RNF214: variants seen among roughly 807,000 people sequenced by gnomAD.
RNF214 encodes ring finger protein 214.
In RNF214, 25 loss-of-function variants were observed where a neutral mutation model predicts 75.9. That is an observed-to-expected ratio of 0.33 (90% CI 0.24 to 0.46). The LOEUF is 0.46. RNF214 is among the 20% of genes least tolerant of loss of function. RNF214 has a pLI of 1.00. For synonymous variants in RNF214, 314 were observed against 308.8 expected (o/e 1.02, Z -0.18); for missense variants, 725 against 857.5 (o/e 0.85, Z 1.93).
In RNF214 at chr11:117,282,104, T is replaced by C. The variant is rs77950258; in HGVS notation, c.1546T>C (p.Ser516Pro). ...SHGRNSPGLG[S>P]LVSPHGPHMP... is the part of the protein sequence containing the mutation. ...TGGCAGAAATAGCCCTGGCTTGGGT[T>C]CCCTTGTCAGCCCCCACGGTCCACA... The change falls in exon 11 of 15, where the codon TCC becomes CCC. Residue 516 changes from serine to proline, a missense_variant. Around this residue, in one of 2 missense-constraint regions of RNF214, gnomAD observed 363 missense variants for 513.0 expected, o/e 0.71. Coordinates refer to ENST00000300650, the MANE Select transcript of RNF214 (RefSeq NM_207343.4). The C allele has an allele frequency of 2.7e-4, 441 of 1,614,034 alleles. 1 individual carries two copies. The African/African-American group carries it at 5.3e-3, about 19-fold the overall frequency.
intron 6 of RNF214, among the ~76,000 whole-genome samples, chr11:117,276,886 C>T (rs555325629): frequency 1.3e-5 from 2 of 152,248 alleles, no homozygotes; most frequent in South Asian, 2.1e-4. Context: ...TACAATTATC[C>T]GATTGTCAGA....
chr11:117,239,147 G>A (rs766226848), intron 3 of RNF214, 36 bp downstream of exon 3: 3 of 1,542,510 alleles, frequency 1.9e-6, no homozygotes, highest in African/African-American at 2.8e-5. Context: ...AAATGTAATT[G>A]GGGGGTGGTG....
chr11:117,253,702 G>A (rs1565336335), intron 6 of RNF214, among the ~76,000 whole-genome samples: 2 of 151,876 alleles, frequency 1.3e-5, no homozygotes, highest in East Asian at 1.9e-4. Flanking sequence ...ATAAATAAAC[G>A]ACAACAACAA....
chr11:117,282,732 GTTT>G lies in RNF214; in HGVS notation c.1846-13_1846-11del. On this transcript the variant is annotated splice_polypyrimidine_tract_variant and intron_variant, in intron 12 of 14. Transcript: ENST00000300650. ...GACTCTCTTCCCTTACTCTGACAAT[GTTT>G]CTACCTACAGCCACTTGGTCGCATC... 6.2e-7 allele frequency: 1 copy of G among 1,609,370 alleles called. No homozygotes were observed. The highest frequency in any genetic ancestry group is 8.5e-7 in the Non-Finnish European group (1 of 1,175,684).
chr11:117,256,467 A>G (rs1440417399), intron 6 of RNF214, among the ~76,000 whole-genome samples: 3 of 152,208 alleles, frequency 2.0e-5, no homozygotes, highest in African/African-American at 4.8e-5. Flanking sequence ...TAGGATATCC[A>G]ACATGGCTTC....
chr11:117,248,735 C>CGTT (rs2033295451), intron 6 of RNF214, among the ~76,000 whole-genome samples: 1 of 152,170 alleles, frequency 6.6e-6, no homozygotes, highest in East Asian at 1.9e-4. Flanking sequence ...ATCCCAGCCA[C>CGTT]TGTTAGTGAT....
intron 6 of RNF214, among the ~76,000 whole-genome samples, chr11:117,264,240 G>A (rs376413147): frequency 1.3e-5 from 2 of 152,058 alleles, no homozygotes; most frequent in African/African-American, 4.8e-5. Flanking sequence ...GGAGAATGGC[G>A]TGAACCCGGG....
chr11:117,280,982 C>CTTTT lies in RNF214; in HGVS notation c.1146-314_1146-311dup, dbSNP rs57955215. ...CTATCTCAGAGAATTAGGAATAGGG[C>CTTTT]TTTTTTTTTTTTTTTTTTTTTAATG... On this transcript the variant is annotated intron_variant, in intron 8 of 14. Transcript: ENST00000300650. Among the ~76,000 whole-genome samples the CTTTT allele has an allele frequency of 8.8e-4, 77 of 87,980 alleles. 2 individuals carry two copies. Among genetic ancestry groups the CTTTT allele is most frequent in the Non-Finnish European group, 1.1e-3 (55 of 48,796 alleles). The allele number at this position is 87,980 out of a possible 152,430, so 57.7% of individuals were successfully genotyped here. A position where few individuals can be genotyped will look rare whatever the true frequency, so the allele number is the denominator to read the frequency against.
rs1475341198 is a variant in RNF214 at position 117,286,326 on chromosome 11, T to C, written c.*1175T>C. The C allele has an allele frequency of 6.6e-6, 1 of 152,216 alleles. No individual in the cohort carries two copies. The highest frequency in any genetic ancestry group is 1.5e-5 in the Non-Finnish European group (1 of 68,040). 9.4% of individuals were successfully genotyped at this position (152,216 alleles called of 1,614,324 possible). A position where few individuals can be genotyped will look rare whatever the true frequency, so the allele number is the denominator to read the frequency against. The stretch of plus-strand genomic sequence containing the variant: ...CCTCTGCTTATTGTACTTCTTAATT[T>C]TAGGTTTTATACCTGGGAAAGCTGT... On this transcript the variant is annotated 3_prime_UTR_variant, in exon 15 of 15. Coordinates refer to ENST00000300650, the MANE Select transcript of RNF214 (RefSeq NM_207343.4).
rs1395591668 is a variant in RNF214 at position 117,238,729 on chromosome 11, G to A, written c.236G>A (p.Gly79Asp). ...HSEQNPGSSA[G>D]DTSAAHQVVL... ...GAGCAGAATCCTGGTTCATCAGCAG[G>A]TGACACCTCAGCAGCGCACCAGGTG... Residue 79 changes from glycine (G) to aspartate (D), a missense_variant, in exon 3 of 15, where the codon GGT becomes GAT. By Grantham distance (94) the Gly-to-Asp change is moderately conservative. Around this residue, in one of 2 missense-constraint regions of RNF214, gnomAD observed 362 missense variants for 344.5 expected, o/e 1.05. Transcript: ENST00000300650. 2 of 1,614,076 alleles carry A rather than the reference G, an allele frequency of 1.2e-6. No homozygotes were observed. The highest frequency in any genetic ancestry group is 4.5e-5 in the East Asian group (2 of 44,894).
chr11:117,261,616 T>C (rs2033663236), intron 6 of RNF214, among the ~76,000 whole-genome samples: 2 of 152,166 alleles, frequency 1.3e-5, no homozygotes, highest in South Asian at 4.1e-4. Flanking sequence ...CTTTATTATG[T>C]CAATACAGTG....
intron 6 of RNF214, among the ~76,000 whole-genome samples, chr11:117,276,142 T>A (rs983371292): frequency 2.6e-5 from 4 of 152,148 alleles, no homozygotes; most frequent in Admixed American, 2.6e-4. Context: ...CATATGATCA[T>A]TTCAATAGAT....
At chr11:117,278,578 T>C (rs1312049586) in intron 6 of RNF214, among the ~76,000 whole-genome samples, 1 of 152,020 alleles carries the variant, frequency 6.6e-6, no homozygotes, top group Non-Finnish European at 1.5e-5. Context: ...GGGAAATCCC[T>C]CAGTACTGGG....
At position 117,239,069 on chromosome 11, in the gene RNF214, A is replaced by G; in HGVS notation, c.576A>G (p.Gln192=). The G allele has an allele frequency of 6.2e-7, 1 of 1,613,928 alleles. No individual in the cohort carries two copies. Among genetic ancestry groups the G allele is most frequent in the Non-Finnish European group, 8.5e-7 (1 of 1,179,962 alleles). The change falls in exon 3 of 15, where the codon CAA becomes CAG. Residue 192 remains glutamine (Q), a synonymous_variant. Coordinates refer to ENST00000300650, the MANE Select transcript of RNF214 (RefSeq NM_207343.4). The part of the protein sequence containing the change: ...EGVRVDQDDD[Q]DSSSLKLSQN... ...TCCGAGTGGATCAGGATGATGATCA[A>G]GATAGCTCTTCCCTGAAGCTTTCTC...
chr11:117,270,862 A>G (rs2033896880), intron 6 of RNF214, among the ~76,000 whole-genome samples: 1 of 152,084 alleles, frequency 6.6e-6, no homozygotes, highest in Non-Finnish European at 1.5e-5. Flanking sequence ...AAGTGTTGGG[A>G]TTACAGGTGT....
intron 4 of RNF214, among the ~76,000 whole-genome samples, chr11:117,241,939 A>G (rs2033092133): frequency 6.6e-6 from 1 of 152,208 alleles, no homozygotes; most frequent in South Asian, 2.1e-4. Flanking sequence ...AGTATCTCTC[A>G]TTCTAGACAC....
At chr11:117,249,795 A>G (rs2033322025) in intron 6 of RNF214, among the ~76,000 whole-genome samples, 1 of 152,124 alleles carries the variant, frequency 6.6e-6, no homozygotes, top group Non-Finnish European at 1.5e-5. Context: ...TTCCTCTTAT[A>G]AGGACACCAA....
chr11:117,260,816 G>A (rs1283030608), intron 6 of RNF214, among the ~76,000 whole-genome samples: 3 of 150,420 alleles, frequency 2.0e-5, no homozygotes, highest in African/African-American at 4.9e-5. Context: ...CACCACGCTC[G>A]GCTAATTTTG....
chr11:117,258,377 T>G (rs1411248405), intron 6 of RNF214, among the ~76,000 whole-genome samples: 2 of 152,160 alleles, frequency 1.3e-5, no homozygotes, highest in Admixed American at 6.5e-5. Flanking sequence ...CCGTCTTTTC[T>G]TTTTCGTTGA....
Sources: allele counts gnomAD v4.1 joint callset (sites outside exome capture counted in the v4.1 genomes callset), GRCh38; gene constraint gnomAD v4.1.1; regional missense constraint gnomAD v4.1.1; transcripts MANE v1.5; gene names NCBI Gene and HGNC (gene_info 2026-07-23, HGNC 2026-07-21).